Variants in WDR43 observed in about 807,000 individuals in gnomAD.
WDR43 encodes the protein WD repeat domain 43.
In WDR43, 13 loss-of-function variants were observed where a neutral mutation model predicts 91.4. The observed-to-expected ratio is 0.14, with a 90% confidence interval of 0.09 to 0.23. The LOEUF is 0.23. Among genes scored for constraint, WDR43 ranks in the 10% least tolerant of loss-of-function variants. WDR43 has a pLI of 1.00. For missense variants in WDR43, 780 were observed against 809.4 expected (o/e 0.96, Z 0.44); for synonymous variants, 331 against 287.9 (o/e 1.15, Z -1.51).
chr2:28,908,886 T>C (rs535499591), intron 3 of WDR43, among the ~76,000 whole-genome samples: 3 of 152,324 alleles, frequency 2.0e-5, no homozygotes, highest in African/African-American at 7.2e-5. Flanking sequence ...ACATTATGAC[T>C]AGTTAATTAT....
rs530049289 is a variant in WDR43, at chr2:28,935,665, C to T, written c.1524+58C>T. On this transcript the variant is annotated intron_variant, in intron 12 of 17. Coordinates refer to ENST00000407426, the MANE Select transcript of WDR43 (RefSeq NM_015131.3). ...AATGCCATGAGTTAAATGGAAAATT[C>T]AGTAGTTAGAGAAATGGATTTGTAA... 2.2e-5 allele frequency: 26 copies of T among 1,205,676 alleles called. No individual in the cohort carries two copies. The African/African-American group carries it at 3.1e-4, about 14-fold the overall frequency. The allele number at this position is 1,205,676 out of a possible 1,614,324, so 74.7% of individuals were successfully genotyped here. A position where few individuals can be genotyped will look rare whatever the true frequency, so the allele number is the denominator to read the frequency against.
chr2:28,932,347 G>C (rs1436873686), intron 11 of WDR43, among the ~76,000 whole-genome samples: 1 of 152,090 alleles, frequency 6.6e-6, no homozygotes, highest in African/African-American at 2.4e-5. Flanking sequence ...ATTTTTAGTA[G>C]AGACAGGACT....
chr2:28,898,346 T>C (rs1670518765), intron 1 of WDR43, among the ~76,000 whole-genome samples: 2 of 152,248 alleles, frequency 1.3e-5, no homozygotes, highest in Non-Finnish European at 2.9e-5. Context: ...AGTTCACATG[T>C]GCTGTGCAGT....
At chr2:28,919,857 T>C (rs1389917704) in intron 6 of WDR43, among the ~76,000 whole-genome samples, 1 of 152,116 alleles carries the variant, frequency 6.6e-6, no homozygotes, top group African/African-American at 2.4e-5. Context: ...TATTTTATTT[T>C]TTTTGGAGAC....
At chr2:28,911,727 G>A (rs1441800911) in intron 3 of WDR43, among the ~76,000 whole-genome samples, 1 of 151,816 alleles carries the variant, frequency 6.6e-6, no homozygotes, top group Non-Finnish European at 1.5e-5. Flanking sequence ...TGCCTCCTGG[G>A]CTCAAGCGAT....
intron 4 of WDR43, chr2:28,913,814 A>G (rs1670854154): frequency 7.5e-6 from 5 of 664,462 alleles, no homozygotes; most frequent in Non-Finnish European, 1.4e-5. Flanking sequence ...TAAGAAACAA[A>G]GGTGCGGAGT....
At chr2:28,898,890 ATG>A (rs1670530306) in intron 1 of WDR43, among the ~76,000 whole-genome samples, 1 of 152,154 alleles carries the variant, frequency 6.6e-6, no homozygotes, top group South Asian at 2.1e-4. Context: ...CATCACCTGA[ATG>A]TGCTTTTTTC....
intron 6 of WDR43, among the ~76,000 whole-genome samples, chr2:28,918,670 A>G (rs1315642509): frequency 6.6e-6 from 1 of 152,026 alleles, no homozygotes; most frequent in East Asian, 1.9e-4. Context: ...TGCCCAGCCT[A>G]TATATGTATG....
rs141576950 is a variant in WDR43 at position 28,897,123 on chromosome 2, A to G, written c.225+2200A>G. ...CTCAATCTTGAGTCACAGAACTGAG[A>G]GAGCTGGAAGGAATGTAGAGACATT... On this transcript the variant is annotated intron_variant, in intron 1 of 17. Transcript: ENST00000407426. Among the ~76,000 whole-genome samples, 56 of 152,314 alleles carry G rather than the reference A, an allele frequency of 3.7e-4. No homozygotes were observed. In the East Asian group the frequency reaches 8.5e-3, roughly 23 times the overall value.
chr2:28,905,453 T>C (rs540555170), intron 2 of WDR43, among the ~76,000 whole-genome samples: 37 of 152,344 alleles, frequency 2.4e-4, no homozygotes, highest in Non-Finnish European at 4.3e-4. Context: ...AGGAAGCATT[T>C]AGTGTTTACC....
At chr2:28,924,025 G>A (rs1468570113) in intron 7 of WDR43, among the ~76,000 whole-genome samples, 1 of 152,170 alleles carries the variant, frequency 6.6e-6, no homozygotes, top group Non-Finnish European at 1.5e-5. Flanking sequence ...ATGATAGGAG[G>A]AGTAAGTTGG....
intron 3 of WDR43, among the ~76,000 whole-genome samples, chr2:28,909,623 A>C (rs1337303699): frequency 6.6e-6 from 1 of 152,194 alleles, no homozygotes. Context: ...CTAAAATCTC[A>C]GCACTTTGGA....
chr2:28,925,454 T>G (rs1205766895), intron 8 of WDR43, among the ~76,000 whole-genome samples: 1 of 152,216 alleles, frequency 6.6e-6, no homozygotes, highest in Non-Finnish European at 1.5e-5. Context: ...ACTAGCCACA[T>G]TTCAAGTGCT....
intron 15 of WDR43, 88 bp downstream of exon 15, chr2:28,941,662 G>A: frequency 3.0e-6 from 3 of 999,640 alleles, no homozygotes; most frequent in Non-Finnish European, 4.5e-6. Context: ...ACAGGGTCTT[G>A]CTCTGTCGCT....
At chr2:28,946,086 A>G (rs542917506) in intron 16 of WDR43, among the ~76,000 whole-genome samples, 1 of 152,290 alleles carries the variant, frequency 6.6e-6, no homozygotes, top group South Asian at 2.1e-4. Flanking sequence ...CTATAATCCC[A>G]GCACTTTGGG....
rs1671571316 is a variant in WDR43, at chr2:28,947,699, T to G, written c.*920T>G. The G allele has an allele frequency of 1.3e-5, 2 of 151,848 alleles. No homozygotes were observed. Among genetic ancestry groups the G allele is most frequent in the Non-Finnish European group, 2.9e-5 (2 of 67,932 alleles). The allele number at this position is 151,848 out of a possible 1,614,324, so 9.4% of individuals were successfully genotyped here. Reference sequence around the variant, plus strand: ...TGGAATTTTTTTTCCAAAGAAAATATTTTTATAATTAAATAATTTAATGTT... The same window carrying G: ...TGGAATTTTTTTTCCAAAGAAAATAGTTTTATAATTAAATAATTTAATGTT... On this transcript the variant is annotated 3_prime_UTR_variant, in exon 18 of 18. Transcript: ENST00000407426.
rs1265536186 is a variant in WDR43 at position 28,926,510 on chromosome 2, A to G, written c.1129A>G (p.Ile377Val). ...ACCTCATATGTGTTTAGTAAGAGAT[A>G]TTTCAAACTGCTGGGCCCCCAAAGT... ...REPHMCLVRD[I>V]SNCWAPKVET... Residue 377 changes from isoleucine (I) to valine (V), a missense_variant, in exon 9 of 18, where the codon ATT (isoleucine) becomes GTT (valine). This residue lies in a region of WDR43 where 426 missense variants were observed against 467.8 expected (regional missense o/e 0.91). Coordinates refer to ENST00000407426, the MANE Select transcript of WDR43 (RefSeq NM_015131.3). 2.5e-6 allele frequency: 4 copies of G among 1,600,770 alleles called. No homozygotes were observed. Among genetic ancestry groups the G allele is most frequent in the South Asian group, 1.1e-5 (1 of 88,502 alleles).
chr2:28,937,777 G>A (rs1265860417), intron 13 of WDR43, among the ~76,000 whole-genome samples, 154 bp from the exon 14 acceptor site: 4 of 152,068 alleles, frequency 2.6e-5, no homozygotes, highest in Non-Finnish European at 4.4e-5. Flanking sequence ...AAGAAAAAAC[G>A]GAAAGTGATA....
chr2:28,933,568 A>C (rs1211788195), intron 11 of WDR43, among the ~76,000 whole-genome samples: 1 of 152,238 alleles, frequency 6.6e-6, no homozygotes, highest in Non-Finnish European at 1.5e-5. Context: ...GTTCTTGGAA[A>C]AACAGTGTTA....
Sources: allele counts gnomAD v4.1 joint callset (sites outside exome capture counted in the v4.1 genomes callset), GRCh38; gene constraint gnomAD v4.1.1; regional missense constraint gnomAD v4.1.1; transcripts MANE v1.5; gene names NCBI Gene and HGNC (gene_info 2026-07-23, HGNC 2026-07-21).